Variants in C6 observed in about 807,000 individuals in gnomAD.
C6 encodes the protein complement component C6.
Under a neutral mutation model 112.9 loss-of-function variants are expected in C6, and 101 were observed. The observed-to-expected ratio is 0.89, with a 90% CI of 0.76 to 1.06. The LOEUF (loss-of-function observed/expected upper bound fraction) is 1.06, where lower values mean the gene tolerates loss of function less well. Ranked by LOEUF, C6 falls within the 50% of genes least tolerant of loss-of-function variation. The pLI, the probability that C6 is intolerant of heterozygous loss-of-function variation, is 0.00. For synonymous variants in C6, 431 were observed against 384.1 expected, an observed-to-expected ratio of 1.12 and a Z score of -1.43; for missense variants, 1,202 against 1,104.6, an observed-to-expected ratio of 1.09 and a Z score of -1.25.
At chr5:41,236,754 C>T (rs1212673897) in intron 1 of C6, among the ~76,000 whole-genome samples, 3 of 140,768 alleles carry the variant, frequency 2.1e-5, no homozygotes, top group Non-Finnish European at 4.6e-5. Flanking sequence ...AATAGAGACA[C>T]AAAAAATCCT....
At chr5:41,188,965 G>A (rs867470037) in intron 5 of C6, among the ~76,000 whole-genome samples, 2 of 151,948 alleles carry the variant, frequency 1.3e-5, no homozygotes, top group African/African-American at 4.8e-5. Flanking sequence ...CAAATAATTT[G>A]AGTATCTAAA....
At chr5:41,208,969 T>G (rs937170131) in intron 1 of C6, among the ~76,000 whole-genome samples, 3 of 152,140 alleles carry the variant, frequency 2.0e-5, no homozygotes, top group African/African-American at 7.2e-5. Flanking sequence ...GCAAAAATCC[T>G]CAATAAAATA....
chr5:41,220,790 A>T (rs1031135659), intron 1 of C6, among the ~76,000 whole-genome samples: 5 of 152,066 alleles, frequency 3.3e-5, no homozygotes, highest in Admixed American at 2.6e-4. Flanking sequence ...TGGGGTACAA[A>T]TGATTTCATT....
At chr5:41,239,117 T>C (rs1740531329) in intron 1 of C6, among the ~76,000 whole-genome samples, 1 of 147,546 alleles carries the variant, frequency 6.8e-6, no homozygotes, top group African/African-American at 2.5e-5. Flanking sequence ...CTTTCTTTTT[T>C]TTTTTTTTTT....
chr5:41,188,678 A>T (rs1036300216), intron 5 of C6, among the ~76,000 whole-genome samples: 1 of 152,078 alleles, frequency 6.6e-6, no homozygotes, highest in African/African-American at 2.4e-5. Context: ...TTAGAAGACA[A>T]TATAGGACTA....
chr5:41,191,548 G>A (rs750094734), intron 5 of C6, among the ~76,000 whole-genome samples: 9 of 152,276 alleles, frequency 5.9e-5, no homozygotes, highest in Middle Eastern at 6.8e-3. Context: ...CATAAAAACA[G>A]GATGCCTTCC....
chr5:41,252,016 C>T (rs543926830), intron 1 of C6, among the ~76,000 whole-genome samples: 73 of 152,270 alleles, frequency 4.8e-4, no homozygotes, highest in African/African-American at 1.4e-3. Context: ...GATTTTATAG[C>T]GTGGCTATCT....
chr5:41,198,194 G>C (rs952771278), intron 4 of C6, among the ~76,000 whole-genome samples: 1 of 152,118 alleles, frequency 6.6e-6, no homozygotes, highest in African/African-American at 2.4e-5. Context: ...CTGAACATCA[G>C]TCATAATGGA....
intron 15 of C6, among the ~76,000 whole-genome samples, chr5:41,151,769 G>A (rs539041467): frequency 5.3e-5 from 8 of 152,014 alleles, no homozygotes; most frequent in Non-Finnish European, 7.4e-5. Context: ...CAGAAATGTC[G>A]GAGCTAAACA....
At chr5:41,225,387 G>A (rs557494713) in intron 1 of C6, among the ~76,000 whole-genome samples, 2 of 152,250 alleles carry the variant, frequency 1.3e-5, no homozygotes, top group East Asian at 3.9e-4. Context: ...TCCCTACAAA[G>A]GAAATGAACT....
rs61469168 is a variant in C6 at position 41,158,762 on chromosome 5, TC to T, written c.1879del (p.Asp627ThrfsTer4). 909 of 1,587,380 alleles carry T rather than the reference TC, an allele frequency of 5.7e-4. 5 individuals are homozygous for T. The African/African-American group carries it at 0.011, about 19-fold the overall frequency. ...ENNGQPCIND[D>X]EEMKEVDLPE... ...AAGATCGACCTCTTTCATTTCTTCG[TC>T]ATCATTGATACATGGTTGTCCACTA... On this transcript the variant is annotated frameshift_variant, in exon 13 of 18. Transcript: ENST00000337836. LOFTEE classifies it high-confidence loss of function.
chr5:41,171,876 C>A (rs1474027554), intron 9 of C6, among the ~76,000 whole-genome samples: 1 of 152,112 alleles, frequency 6.6e-6, no homozygotes, highest in Non-Finnish European at 1.5e-5. Context: ...AGACCCTTGT[C>A]AGTCTGTATT....
intron 1 of C6, among the ~76,000 whole-genome samples, chr5:41,228,315 C>T (rs940195905): frequency 2.0e-5 from 3 of 151,870 alleles, no homozygotes; most frequent in Non-Finnish European, 4.4e-5. Flanking sequence ...ATTTCATATC[C>T]TGCCACTTTA....
chr5:41,218,125 C>T (rs1306975685), upstream of C6, among the ~76,000 whole-genome samples: 2 of 152,072 alleles, frequency 1.3e-5, no homozygotes, highest in African/African-American at 4.8e-5. Flanking sequence ...TGAATACTTT[C>T]GGTTAGTTCT....
intron 1 of C6, among the ~76,000 whole-genome samples, chr5:41,258,391 G>C (rs1471318478): frequency 6.6e-6 from 1 of 152,052 alleles, no homozygotes; most frequent in East Asian, 1.9e-4. Flanking sequence ...TCATGATTTG[G>C]TTTAATGATT....
At chr5:41,174,634 T>C (rs1023558858) in intron 8 of C6, among the ~76,000 whole-genome samples, 1 of 152,160 alleles carries the variant, frequency 6.6e-6, no homozygotes, top group Admixed American at 6.5e-5. Flanking sequence ...CATTGAACAA[T>C]AGAGAAATAA....
intron 5 of C6, among the ~76,000 whole-genome samples, chr5:41,192,552 A>T (rs571029151): frequency 6.6e-5 from 10 of 151,894 alleles, no homozygotes; most frequent in Non-Finnish European, 1.3e-4. Flanking sequence ...ATTTAATCTC[A>T]TTACTCACAA....
intron 14 of C6, among the ~76,000 whole-genome samples, chr5:41,154,424 T>C (rs561756269): frequency 6.6e-6 from 1 of 152,230 alleles, no homozygotes; most frequent in Admixed American, 6.5e-5. Context: ...GTCTTTGGAC[T>C]CTCATTCAAG....
rs767171287 is a variant in C6 at position 41,203,188 on chromosome 5, G to C, written c.43C>G (p.Leu15Val). ...SVLYFILLNA[L>V]INKGQACFCD... ...AAGCAGGCTTGGCCCTTGTTGATCA[G>C]AGCATTCAGCAGGATGAAGTACAAG... is the stretch of plus-strand genomic sequence containing the variant. Residue 15 changes from leucine (L) to valine (V), a missense_variant, in exon 2 of 18, where the codon CTG becomes GTG. Transcript: ENST00000337836. 2.5e-6 allele frequency: 4 copies of C among 1,614,002 alleles called. No individual in the cohort carries two copies. The African/African-American group carries it at 5.3e-5, about 22-fold the overall frequency.
Sources: allele counts gnomAD v4.1 joint callset (sites outside exome capture counted in the v4.1 genomes callset), GRCh38; gene constraint gnomAD v4.1.1; transcripts MANE v1.5; gene names NCBI Gene and HGNC (gene_info 2026-07-23, HGNC 2026-07-21).